Variants in PAIP2B observed in about 807,000 individuals in gnomAD.
The protein encoded by PAIP2B is polyadenylate-binding protein-interacting protein 2B.
PAIP2B carries 13 observed loss-of-function variants against 17.0 expected under a neutral mutation model. The observed-to-expected ratio is 0.76, with a 90% CI of 0.50 to 1.22. The LOEUF (loss-of-function observed/expected upper bound fraction) is 1.22. Ranked by LOEUF, PAIP2B falls within the 50% of genes most tolerant of loss-of-function variation. The probability of loss-of-function intolerance (pLI) is 0.00; values close to 1 mark genes in which losing one functional copy is unlikely to be tolerated. For synonymous variants in PAIP2B, 43 were observed against 48.7 expected (o/e 0.88, Z 0.48); for missense variants, 117 against 144.5 (o/e 0.81, Z 0.98).
At chr2:71,226,619 G>T (rs1353360079) in intron 1 of PAIP2B, among the ~76,000 whole-genome samples, 1 of 152,080 alleles carries the variant, frequency 6.6e-6, no homozygotes, top group Non-Finnish European at 1.5e-5. Context: ...GTGTTAGGAG[G>T]ACGCTGAGGG....
chr2:71,214,856 T>TA (rs1450196485), intron 1 of PAIP2B, among the ~76,000 whole-genome samples: 1 of 152,102 alleles, frequency 6.6e-6, no homozygotes, highest in Non-Finnish European at 1.5e-5. Context: ...CCAAATAATT[T>TA]AAAAAACAGT....
Position 71,187,635 on chromosome 2 carries a change from C to G in PAIP2B, c.*844G>C, listed in dbSNP as rs1674571987. ...AGGCTCATGCTAATTGCCAGCACAG[C>G]AGGCCTCCCCTATGCCTTTGGTAGC... On this transcript the variant is annotated 3_prime_UTR_variant, in exon 4 of 4. Transcript: ENST00000244221. 1 of 152,196 alleles carries G rather than the reference C, an allele frequency of 6.6e-6. No homozygotes were observed. The highest frequency in any genetic ancestry group is 6.5e-5 in the Admixed American group (1 of 15,284). 9.4% of individuals were successfully genotyped at this position (152,196 alleles called of 1,614,324 possible).
chr2:71,218,887 AG>A, intron 1 of PAIP2B, among the ~76,000 whole-genome samples: 1 of 151,742 alleles, frequency 6.6e-6, no homozygotes, highest in Middle Eastern at 3.4e-3. Context: ...GAATGTTTTG[AG>A]TGGCAGAATT....
At chr2:71,220,530 G>A (rs909391600) in intron 1 of PAIP2B, among the ~76,000 whole-genome samples, 1 of 152,182 alleles carries the variant, frequency 6.6e-6, no homozygotes, top group African/African-American at 2.4e-5. Context: ...CAGTGAATAT[G>A]TACTATTTCT....
chr2:71,198,146 T>G (rs1235795894), intron 2 of PAIP2B, among the ~76,000 whole-genome samples: 1 of 152,180 alleles, frequency 6.6e-6, no homozygotes, highest in African/African-American at 2.4e-5. Flanking sequence ...TGAGATGCAG[T>G]TTCACACTTG....
intron 2 of PAIP2B, among the ~76,000 whole-genome samples, chr2:71,199,199 A>C (rs1312642818): frequency 3.3e-5 from 5 of 152,054 alleles, no homozygotes; most frequent in African/African-American, 9.7e-5. Flanking sequence ...GGTTCTTTAC[A>C]TGTGAACCTG....
rs1334995602 is a variant in PAIP2B at position 71,187,081 on chromosome 2, A to G, written c.*1398T>C. On this transcript the variant is annotated 3_prime_UTR_variant, in exon 4 of 4. Coordinates refer to ENST00000244221, the MANE Select transcript of PAIP2B (RefSeq NM_020459.1). ...CAGTAGCAATCAGAAAGAAGCCACT[A>G]TTATCTTCAGGGCTCTCCAATTCCT... 6.6e-6 allele frequency: 1 copy of G among 152,234 alleles called. No individual in the cohort carries two copies. Among genetic ancestry groups the G allele is most frequent in the Non-Finnish European group, 1.5e-5 (1 of 68,084 alleles). 9.4% of individuals were successfully genotyped at this position (152,234 alleles called of 1,614,324 possible).
intron 1 of PAIP2B, among the ~76,000 whole-genome samples, chr2:71,206,157 A>G (rs1284249067): frequency 6.6e-6 from 1 of 152,224 alleles, no homozygotes; most frequent in African/African-American, 2.4e-5. Flanking sequence ...AACACTGGCA[A>G]TTAACTCTGC....
chr2:71,215,253 G>A (rs1213408583), intron 1 of PAIP2B, among the ~76,000 whole-genome samples: 4 of 151,794 alleles, frequency 2.6e-5, no homozygotes, highest in Non-Finnish European at 4.4e-5. Flanking sequence ...AACCAAGATC[G>A]TGCCACCGTA....
chr2:71,226,104 C>G (rs1675716509), intron 1 of PAIP2B, among the ~76,000 whole-genome samples: 1 of 152,168 alleles, frequency 6.6e-6, no homozygotes, highest in Non-Finnish European at 1.5e-5. Flanking sequence ...GCAATTACCA[C>G]CAAAAGAACT....
chr2:71,199,689 C>T (rs1370460558), intron 2 of PAIP2B, among the ~76,000 whole-genome samples: 2 of 152,048 alleles, frequency 1.3e-5, no homozygotes, highest in Non-Finnish European at 2.9e-5. Context: ...GCCTCAGCCT[C>T]CCAAGTAGCT....
chr2:71,226,711 C>G (rs1675739872), intron 1 of PAIP2B, among the ~76,000 whole-genome samples: 1 of 152,130 alleles, frequency 6.6e-6, no homozygotes, highest in Admixed American at 6.5e-5. Flanking sequence ...CTATTGCTCC[C>G]GAGGGGCAGG....
intron 1 of PAIP2B, among the ~76,000 whole-genome samples, chr2:71,211,044 C>T (rs1437041649): frequency 6.6e-6 from 1 of 152,082 alleles, no homozygotes; most frequent in Non-Finnish European, 1.5e-5. Flanking sequence ...GTCAGGAGTT[C>T]TAGACCAGCC....
chr2:71,208,367 G>C (rs1675193071), intron 1 of PAIP2B, among the ~76,000 whole-genome samples: 1 of 151,990 alleles, frequency 6.6e-6, no homozygotes, highest in Non-Finnish European at 1.5e-5. Flanking sequence ...AGGTTGTAGT[G>C]AGCTGAGATC....
chr2:71,190,162 G>T, intron 2 of PAIP2B, 141 bp from the exon 3 acceptor site: 1 of 868,368 alleles, frequency 1.2e-6, no homozygotes, highest in Non-Finnish European at 1.7e-6. Flanking sequence ...GCTCACAACT[G>T]TAATCCCAGC....
intron 1 of PAIP2B, among the ~76,000 whole-genome samples, chr2:71,221,510 A>C (rs1675580526): frequency 6.6e-6 from 1 of 152,236 alleles, no homozygotes; most frequent in African/African-American, 2.4e-5. Flanking sequence ...GTCTAGTATG[A>C]AAAACAGCCA....
Position 71,188,501 on chromosome 2 carries a change from A to G in PAIP2B, c.350T>C (p.Phe117Ser). The G allele has an allele frequency of 6.2e-7, 1 of 1,610,872 alleles. No homozygotes were observed. The highest frequency in any genetic ancestry group is 8.5e-7 in the Non-Finnish European group (1 of 1,178,534). The change falls in exon 4 of 4, where the codon TTT (phenylalanine) becomes TCT (serine). Residue 117 changes from phenylalanine (F) to serine (S), a missense_variant. Physicochemically the swap from Phe to Ser is radical, Grantham distance 155 (BLOSUM62 -2). Transcript: ENST00000244221. ...GGCTCAGTACTTCTCTCCTGGAATA[A>G]ACTCCTTGGCATCTGGGTTCAGGTT... ...KSNLNPDAKE[F>S]IPGEKY
intron 1 of PAIP2B, among the ~76,000 whole-genome samples, chr2:71,216,167 T>A (rs142388079): frequency 2.6e-5 from 4 of 152,350 alleles, no homozygotes; most frequent in African/African-American, 9.6e-5. Context: ...GTCTAATATC[T>A]TTAAAAACAC....
chr2:71,191,040 T>C (rs544768878), intron 2 of PAIP2B, among the ~76,000 whole-genome samples: 17 of 152,174 alleles, frequency 1.1e-4, no homozygotes, highest in Admixed American at 4.6e-4. Context: ...TTTGCAGACA[T>C]TGTTAACTCT....
Sources: allele counts gnomAD v4.1 joint callset (sites outside exome capture counted in the v4.1 genomes callset), GRCh38; gene constraint gnomAD v4.1.1; transcripts MANE v1.5; gene names NCBI Gene and HGNC (gene_info 2026-07-23, HGNC 2026-07-21).